The following EXOC6B variants were observed in gnomAD, a reference collection of about 807,000 sequenced individuals.
The protein encoded by EXOC6B is exocyst complex component 6B.
EXOC6B carries 54 observed loss-of-function variants against 113.5 expected under a neutral mutation model. The observed-to-expected ratio is 0.48, with a 90% CI of 0.38 to 0.60. EXOC6B has a LOEUF of 0.60. Ranked by LOEUF, EXOC6B falls within the 20% of genes least tolerant of loss-of-function variation. The probability of loss-of-function intolerance (pLI) is 0.00; values close to 1 mark genes in which losing one functional copy is unlikely to be tolerated. For missense variants in EXOC6B, 797 were observed against 977.5 expected (o/e 0.82, Z 2.46); for synonymous variants, 357 against 339.0 (o/e 1.05, Z -0.58).
intron 6 of EXOC6B, among the ~76,000 whole-genome samples, chr2:72,601,112 A>ATG (rs1301404255): frequency 4.2e-5 from 6 of 141,568 alleles, no homozygotes; most frequent in Non-Finnish European, 6.1e-5. Flanking sequence ...ATATATATAT[A>ATG]TGTGTGTGTG....
chr2:72,187,999 A>T (rs924171868), intron 20 of EXOC6B, among the ~76,000 whole-genome samples: 1 of 152,230 alleles, frequency 6.6e-6, no homozygotes, highest in Middle Eastern at 3.4e-3. Flanking sequence ...GGCCCCCAAG[A>T]GTGAAGGGAT....
chr2:72,561,170 T>G (rs1447182600), intron 7 of EXOC6B, among the ~76,000 whole-genome samples: 2 of 152,032 alleles, frequency 1.3e-5, no homozygotes, highest in South Asian at 2.1e-4. Context: ...TGAGGAAAAT[T>G]TCTTTTATCT....
chr2:72,255,901 C>T (rs2104563736), intron 20 of EXOC6B, among the ~76,000 whole-genome samples: 1 of 152,302 alleles, frequency 6.6e-6, no homozygotes, highest in African/African-American at 2.4e-5. Flanking sequence ...GGATAAACTA[C>T]ATTTGGTTGG....
chr2:72,622,134 T>C (rs1345681921), intron 6 of EXOC6B, among the ~76,000 whole-genome samples: 2 of 151,472 alleles, frequency 1.3e-5, no homozygotes, highest in South Asian at 2.1e-4. Flanking sequence ...TGTAATATTA[T>C]AGGATTAGAA....
intron 6 of EXOC6B, among the ~76,000 whole-genome samples, chr2:72,696,851 T>A (rs1677918432): frequency 6.6e-6 from 1 of 152,066 alleles, no homozygotes; most frequent in South Asian, 2.1e-4. Flanking sequence ...TTTAAGCCAT[T>A]AAGTTTGGGG....
intron 1 of EXOC6B, among the ~76,000 whole-genome samples, chr2:72,772,882 G>A (rs1573772902): frequency 6.6e-6 from 1 of 151,814 alleles, no homozygotes; most frequent in African/African-American, 2.4e-5. Context: ...AAATAAACAG[G>A]AAAACCATAA....
At chr2:72,757,471 T>A (rs1292955004) in intron 1 of EXOC6B, among the ~76,000 whole-genome samples, 1 of 152,206 alleles carries the variant, frequency 6.6e-6, no homozygotes, top group East Asian at 1.9e-4. Flanking sequence ...GACAGTTGCC[T>A]AGCAACAGCT....
At chr2:72,647,940 T>C (rs1376638461) in intron 6 of EXOC6B, among the ~76,000 whole-genome samples, 1 of 152,112 alleles carries the variant, frequency 6.6e-6, no homozygotes, top group Non-Finnish European at 1.5e-5. Flanking sequence ...GGGATCTAAT[T>C]AAACTAAAGA....
chr2:72,784,594 G>A (rs963770296), intron 1 of EXOC6B, among the ~76,000 whole-genome samples: 12 of 152,136 alleles, frequency 7.9e-5, no homozygotes, highest in Admixed American at 7.9e-4. Context: ...GAGAAAATGA[G>A]GAAGAAGCAA....
At chr2:72,658,269 AAAAAACT>A (rs1312776055) in intron 6 of EXOC6B, among the ~76,000 whole-genome samples, 1 of 121,550 alleles carries the variant, frequency 8.2e-6, no homozygotes, top group Non-Finnish European at 1.7e-5. Context: ...AACTAGGGGA[AAAAAACT>A]AAAAACTAGT....
At chr2:72,512,269 T>C (rs567866841) in intron 11 of EXOC6B, among the ~76,000 whole-genome samples, 65 of 151,590 alleles carry the variant, frequency 4.3e-4, no homozygotes, top group African/African-American at 1.5e-3. Flanking sequence ...ATCTTGTTCA[T>C]TGTCATATTC....
In EXOC6B at chr2:72,691,723, C is replaced by T. The variant is rs548623938; in HGVS notation, c.669+26380G>A. 8.6e-5 allele frequency among the ~76,000 whole-genome samples: 13 copies of T among 150,932 alleles called. No individual in the cohort carries two copies. The South Asian group carries it at 2.7e-3, about 32-fold the overall frequency. ...TGAGATGGAGTTTCGCCCTTGTCGC[C>T]CAGGCTGGAGTACTGTGGTGCAATC... On this transcript the variant is annotated intron_variant, in intron 6 of 21. Transcript: ENST00000272427.
At chr2:72,454,969 G>A (rs1462116136) in intron 18 of EXOC6B, among the ~76,000 whole-genome samples, 1 of 151,920 alleles carries the variant, frequency 6.6e-6, no homozygotes, top group Non-Finnish European at 1.5e-5. Flanking sequence ...TAACGTAACT[G>A]TTAACTGCAT....
intron 20 of EXOC6B, among the ~76,000 whole-genome samples, chr2:72,185,785 C>T (rs1558993877): frequency 6.7e-6 from 1 of 148,972 alleles, no homozygotes; most frequent in Admixed American, 6.7e-5. Flanking sequence ...GGTACATGTG[C>T]ACAACGTGCA....
chr2:72,390,097 A>G (rs1692280461), intron 18 of EXOC6B, among the ~76,000 whole-genome samples: 1 of 152,168 alleles, frequency 6.6e-6, no homozygotes, highest in Non-Finnish European at 1.5e-5. Context: ...CAACAACGAA[A>G]AATTCTTCCT....
At chr2:72,703,936 C>T (rs1475002817) in intron 6 of EXOC6B, among the ~76,000 whole-genome samples, 1 of 151,752 alleles carries the variant, frequency 6.6e-6, no homozygotes, top group Non-Finnish European at 1.5e-5. Flanking sequence ...GCCTAATTGC[C>T]CTGGCCAGAA....
At chr2:72,730,819 C>T (rs1680591590) in intron 5 of EXOC6B, among the ~76,000 whole-genome samples, 188 bp downstream of exon 5, 1 of 151,978 alleles carries the variant, frequency 6.6e-6, no homozygotes, top group South Asian at 2.1e-4. Context: ...AAACATAATA[C>T]ATGACAGAAC....
intron 1 of EXOC6B, among the ~76,000 whole-genome samples, chr2:72,797,765 C>T (rs577044546): frequency 4.5e-4 from 69 of 152,148 alleles, no homozygotes; most frequent in African/African-American, 1.4e-3. Context: ...AAGCTGAGAC[C>T]GTGCCACTGC....
At chr2:72,662,938 C>G (rs1675127621) in intron 6 of EXOC6B, among the ~76,000 whole-genome samples, 1 of 152,060 alleles carries the variant, frequency 6.6e-6, no homozygotes, top group Non-Finnish European at 1.5e-5. Context: ...CAAGGATGTT[C>G]TCAATCTCCT....
Sources: gnomAD v4.1 joint callset for allele counts (sites outside exome capture counted in the v4.1 genomes callset) on GRCh38, gnomAD v4.1.1 for gene constraint, MANE v1.5 for transcripts, NCBI Gene and HGNC (gene_info 2026-07-23, HGNC 2026-07-21) for gene names.